Variants in POU4F2 observed in about 807,000 individuals in gnomAD.
POU4F2 encodes the protein POU domain, class 4, transcription factor 2.
In POU4F2, 10 loss-of-function variants were observed where a neutral mutation model predicts 21.5. The observed-to-expected ratio is 0.46, with a 90% CI of 0.29 to 0.79. The LOEUF is 0.79. Among genes scored for constraint, POU4F2 ranks in the 30% least tolerant of loss-of-function variants. The pLI, the probability that POU4F2 is intolerant of heterozygous loss-of-function variation, is 0.10. For synonymous variants in POU4F2, 324 were observed against 271.1 expected, an observed-to-expected ratio of 1.20 and a Z score of -1.92; for missense variants, 623 against 603.3, an observed-to-expected ratio of 1.03 and a Z score of -0.34.
Position 146,639,360 on chromosome 4 carries a change from A to C in POU4F2, c.220A>C (p.Ser74Arg). The C allele has an allele frequency of 1.3e-6, 2 of 1,485,882 alleles. No homozygotes were observed. Among genetic ancestry groups the C allele is most frequent in the Non-Finnish European group, 1.8e-6 (2 of 1,125,224 alleles). 92.0% of individuals were successfully genotyped at this position (1,485,882 alleles called of 1,614,324 possible). ...GGGGGRSSSSSSSGSSGGGGS... is the reference protein window; with the variant it reads ...GGGGGRSSSSRSSGSSGGGGS... ...CGGCGGAGGCCGAAGCAGCAGCTCCAGCAGCAGTGGCAGCAGCGGCGGCGG... is the reference window on the plus strand; with the variant it reads ...CGGCGGAGGCCGAAGCAGCAGCTCCCGCAGCAGTGGCAGCAGCGGCGGCGG... The change falls in exon 1 of 2, where the codon AGC becomes CGC. Residue 74 changes from serine to arginine, a missense_variant. Transcript: ENST00000281321.
chr4:146,640,922 G>T lies in POU4F2; in HGVS notation c.*114G>T. On this transcript the variant is annotated 3_prime_UTR_variant, in exon 2 of 2. Transcript: ENST00000281321. This position sits in a 1 kb window ranked among gnomAD's most constrained non-coding sequence, Gnocchi z 4.8. ...AACAATTCCAGTAAATGTGAATCTC[G>T]ACAAATCGAGGACTGAAGAGGGAGC... The T allele has an allele frequency of 8.5e-7, 1 of 1,179,810 alleles. No homozygotes were observed. The highest frequency in any genetic ancestry group is 1.2e-6 in the Non-Finnish European group (1 of 866,988). 73.1% of individuals were successfully genotyped at this position (1,179,810 alleles called of 1,614,324 possible).
Position 146,640,474 on chromosome 4 carries a change from T to C in POU4F2, c.896T>C (p.Ile299Thr). The change falls in exon 2 of 2, where the codon ATC becomes ACC. Residue 299 changes from isoleucine to threonine, a missense_variant. By Grantham distance (89) the Ile-to-Thr change is moderately conservative. This residue lies in a region of POU4F2 where 523 missense variants were observed against 504.1 expected (regional missense o/e 1.04). Coordinates refer to ENST00000281321, the MANE Select transcript of POU4F2 (RefSeq NM_004575.3). The surrounding 1 kb of genome is among the most constrained non-coding windows in gnomAD (Gnocchi z 4.8). The part of the protein sequence containing the change: ...PGVGSLSQST[I>T]CRFESLTLSH... ...GTGGGCTCGCTTAGCCAGAGCACCA[T>C]CTGCAGGTTCGAGTCCCTCACACTG... 6.2e-7 allele frequency: 1 copy of C among 1,614,062 alleles called. No homozygotes were observed. The highest frequency in any genetic ancestry group is 8.5e-7 in the Non-Finnish European group (1 of 1,180,020).
At position 146,642,086 on chromosome 4, in the gene POU4F2, A is replaced by G. The variant is rs574224859; in HGVS notation, c.*1278A>G. 3.3e-5 allele frequency: 5 copies of G among 152,804 alleles called. No individual in the cohort carries two copies. The highest frequency in any genetic ancestry group is 3.3e-4 in the Admixed American group (5 of 15,306). 9.5% of individuals were successfully genotyped at this position (152,804 alleles called of 1,614,324 possible). A position where few individuals can be genotyped will look rare whatever the true frequency, so the allele number is the denominator to read the frequency against. On this transcript the variant is annotated 3_prime_UTR_variant, in exon 2 of 2. Transcript: ENST00000281321. ...TTTCCTTTTGGAGGTTTGTTTGTAG[A>G]AAAACTAATTTGAACTATAAGAAAG...
Position 146,640,866 on chromosome 4 carries a change from C to A in POU4F2, c.*58C>A. The A allele has an allele frequency of 1.4e-6, 2 of 1,476,398 alleles. No individual in the cohort carries two copies. The highest frequency in any genetic ancestry group is 1.8e-6 in the Non-Finnish European group (2 of 1,104,068). 91.5% of individuals were successfully genotyped at this position (1,476,398 alleles called of 1,614,324 possible). ...CCTCGTCCGCTCTTTTCTCTCCTCT[C>A]TTCTGCCTCTTTTCACTTTTGGCGA... On this transcript the variant is annotated 3_prime_UTR_variant, in exon 2 of 2. Coordinates refer to ENST00000281321, the MANE Select transcript of POU4F2 (RefSeq NM_004575.3). This position sits in a 1 kb window ranked among gnomAD's most constrained non-coding sequence, Gnocchi z 4.8.
At chr4:146,639,569 C>A in intron 1 of POU4F2, 141 bp downstream of exon 1, 1 of 1,294,168 alleles carries the variant, frequency 7.7e-7, no homozygotes. Flanking sequence ...AAGTATTCAG[C>A]AGGTCTTGCC....
At position 146,640,077 on chromosome 4, in the gene POU4F2, T is replaced by C. The variant is rs1224119159; in HGVS notation, c.499T>C (p.Leu167=). 1 of 1,605,920 alleles carries C rather than the reference T, an allele frequency of 6.2e-7. No individual in the cohort carries two copies. Among genetic ancestry groups the C allele is most frequent in the African/African-American group, 1.3e-5 (1 of 74,890 alleles). ...GGTGCCCATCTCGCACCCTTCCGCG[T>C]TGGCGGGCACGCACCACCACCACCA... ...SSVPISHPSA[L]AGTHHHHHHH... is the part of the protein sequence containing the mutation. The change falls in exon 2 of 2, where the codon TTG becomes CTG. Residue 167 remains leucine, a synonymous_variant. Transcript: ENST00000281321. This position sits in a 1 kb window ranked among gnomAD's most constrained non-coding sequence, Gnocchi z 4.8.
In POU4F2 at chr4:146,639,934, T is replaced by C. The variant is rs771832144; in HGVS notation, c.356T>C (p.Ile119Thr). The C allele has an allele frequency of 6.3e-7, 1 of 1,598,962 alleles. No individual in the cohort carries two copies. The highest frequency in any genetic ancestry group is 1.1e-5 in the South Asian group (1 of 88,020). ...GCCGAGGCTCTGGCAGCCGTGGACA[T>C]CGTCTCCCAGAGCAAGAGCCACCAC... ...ARAEALAAVD[I>T]VSQSKSHHHH... The change falls in exon 2 of 2, where the codon ATC (isoleucine) becomes ACC (threonine). Residue 119 changes from isoleucine to threonine, a missense_variant. Coordinates refer to ENST00000281321, the MANE Select transcript of POU4F2 (RefSeq NM_004575.3).
Position 146,638,974 on chromosome 4 carries a change from C to A in POU4F2, c.-167C>A, listed in dbSNP as rs1414931605. The A allele has an allele frequency of 8.6e-6, 7 of 816,802 alleles. No homozygotes were observed. The highest frequency in any genetic ancestry group is 1.3e-5 in the Non-Finnish European group (7 of 550,770). The allele number at this position is 816,802 out of a possible 1,614,324, so 50.6% of individuals were successfully genotyped here. A position where few individuals can be genotyped will look rare whatever the true frequency, so the allele number is the denominator to read the frequency against. ...ACTGACAGCAGAGGCGGCGAAGGAG[C>A]GCGTAGCCGAGATCAGGCGTACAGA... On this transcript the variant is annotated 5_prime_UTR_variant, in exon 1 of 2. Coordinates refer to ENST00000281321, the MANE Select transcript of POU4F2 (RefSeq NM_004575.3).
Position 146,639,538 on chromosome 4 carries a change from A to G in POU4F2, c.288+110A>G, listed in dbSNP as rs985685646. 6 of 1,389,494 alleles carry G rather than the reference A, an allele frequency of 4.3e-6. No individual in the cohort carries two copies. In the South Asian group the frequency reaches 8.8e-5, roughly 20 times the overall value. 86.1% of individuals were successfully genotyped at this position (1,389,494 alleles called of 1,614,324 possible). On this transcript the variant is annotated intron_variant, in intron 1 of 1. Coordinates refer to ENST00000281321, the MANE Select transcript of POU4F2 (RefSeq NM_004575.3). ...GCAAATCACCCCACACCTCCAACCA[A>G]TTTTCCCCTCTCTCTCTCTTAAGTA... is the stretch of plus-strand genomic sequence containing the variant.
In POU4F2 at chr4:146,638,983, G is replaced by A. The variant is rs1404104098; in HGVS notation, c.-158G>A. The A allele has an allele frequency of 4.5e-6, 4 of 892,142 alleles. No homozygotes were observed. Among genetic ancestry groups the A allele is most frequent in the South Asian group, 2.0e-5 (1 of 50,172 alleles). 55.3% of individuals were successfully genotyped at this position (892,142 alleles called of 1,614,324 possible). A position where few individuals can be genotyped will look rare whatever the true frequency, so the allele number is the denominator to read the frequency against. ...AGAGGCGGCGAAGGAGCGCGTAGCC[G>A]AGATCAGGCGTACAGAGTCCGGAGG... On this transcript the variant is annotated 5_prime_UTR_variant, in exon 1 of 2. Transcript: ENST00000281321.
rs748522769 is a variant in POU4F2 at position 146,640,484 on chromosome 4, C to T, written c.906C>T (p.Phe302=). ...GSLSQSTICR[F]ESLTLSHNNM... ...TTAGCCAGAGCACCATCTGCAGGTT[C>T]GAGTCCCTCACACTGTCCCACAATA... The change falls in exon 2 of 2, where the codon TTC becomes TTT. Residue 302 remains phenylalanine, a synonymous_variant. Transcript: ENST00000281321. This position sits in a 1 kb window ranked among gnomAD's most constrained non-coding sequence, Gnocchi z 4.8. 2 of 1,614,116 alleles carry T rather than the reference C, an allele frequency of 1.2e-6. No individual in the cohort carries two copies. Among genetic ancestry groups the T allele is most frequent in the Non-Finnish European group, 1.7e-6 (2 of 1,180,022 alleles).
At position 146,639,154 on chromosome 4, in the gene POU4F2, C is replaced by T. The variant is rs1352487619; in HGVS notation, c.14C>T (p.Ser5Phe). Reference sequence around the variant, plus strand: ...GCGGGCGGGAAGATGATGATGATGTCCCTGAACAGCAAGCAGGCGTTTAGC... The same window carrying T: ...GCGGGCGGGAAGATGATGATGATGTTCCTGAACAGCAAGCAGGCGTTTAGC... MMMM[S>F]LNSKQAFSMP... Residue 5 changes from serine (S) to phenylalanine (F), a missense_variant, in exon 1 of 2, where the codon TCC becomes TTC. Around this residue, in one of 3 missense-constraint regions of POU4F2, gnomAD observed 94 missense variants for 74.1 expected, o/e 1.27. Coordinates refer to ENST00000281321, the MANE Select transcript of POU4F2 (RefSeq NM_004575.3). 5.6e-6 allele frequency: 9 copies of T among 1,607,334 alleles called. No homozygotes were observed. The highest frequency in any genetic ancestry group is 7.6e-6 in the Non-Finnish European group (9 of 1,177,506).
rs546678292 is a variant in POU4F2, at chr4:146,640,651, G to C, written c.1073G>C (p.Arg358Pro). ...ACGTCCATCGCTGCGCCAGAGAAGC[G>C]CTCGCTCGAAGCCTACTTTGCCATT... ...KRTSIAAPEK[R>P]SLEAYFAIQP... Residue 358 changes from arginine to proline, a missense_variant, in exon 2 of 2, where the codon CGC becomes CCC. Transcript: ENST00000281321. This position sits in a 1 kb window ranked among gnomAD's most constrained non-coding sequence, Gnocchi z 4.8. 6.2e-7 allele frequency: 1 copy of C among 1,614,272 alleles called. No homozygotes were observed. Among genetic ancestry groups the C allele is most frequent in the Non-Finnish European group, 8.5e-7 (1 of 1,180,046 alleles).
At position 146,640,091 on chromosome 4, in the gene POU4F2, C is replaced by T. The variant is rs1373095957; in HGVS notation, c.513C>T (p.His171=). The T allele has an allele frequency of 1.3e-6, 2 of 1,597,714 alleles. No individual in the cohort carries two copies. Among genetic ancestry groups the T allele is most frequent in the South Asian group, 1.1e-5 (1 of 90,224 alleles). ...ACCCTTCCGCGTTGGCGGGCACGCA[C>T]CACCACCACCACCATCACCACCACC... ...ISHPSALAGT[H]HHHHHHHHHH... The change falls in exon 2 of 2, where the codon CAC becomes CAT. Residue 171 remains histidine (H), a synonymous_variant. Coordinates refer to ENST00000281321, the MANE Select transcript of POU4F2 (RefSeq NM_004575.3). This position sits in a 1 kb window ranked among gnomAD's most constrained non-coding sequence, Gnocchi z 4.8.
Position 146,640,391 on chromosome 4 carries a change from G to A in POU4F2, c.813G>A (p.Lys271=). 6.2e-7 allele frequency: 1 copy of A among 1,607,962 alleles called. No homozygotes were observed. Among genetic ancestry groups the A allele is most frequent in the Non-Finnish European group, 8.5e-7 (1 of 1,178,740 alleles). ...AGCGCTTCAAGCAGCGACGCATCAAGCTGGGGGTGACCCAGGCAGATGTGG... is the reference window on the plus strand; with the variant it reads ...AGCGCTTCAAGCAGCGACGCATCAAACTGGGGGTGACCCAGGCAGATGTGG... ...FAERFKQRRI[K]LGVTQADVGS... The change falls in exon 2 of 2, where the codon AAG becomes AAA. Residue 271 remains lysine (K), a synonymous_variant. Transcript: ENST00000281321. This position sits in a 1 kb window ranked among gnomAD's most constrained non-coding sequence, Gnocchi z 4.8.
Position 146,639,305 on chromosome 4 carries a change from T to TGGCGGCGGC in POU4F2, c.192_200dup (p.Gly66_Gly68dup), listed in dbSNP as rs530695040. 2.7e-3 allele frequency: 3,588 copies of TGGCGGCGGC among 1,305,934 alleles called. 17 individuals carry two copies. The highest frequency in any genetic ancestry group is 0.017 in the African/African-American group (1,131 of 64,916). The allele number at this position is 1,305,934 out of a possible 1,614,324, so 80.9% of individuals were successfully genotyped here. A position where few individuals can be genotyped will look rare whatever the true frequency, so the allele number is the denominator to read the frequency against. ...CCAGCAGCTCGAGCAACGCTGGTGG[T>TGGCGGCGGC]GGCGGCGGCGGCGGCGGCGGCGGCG... On this transcript the variant is annotated inframe_insertion, in exon 1 of 2. Coordinates refer to ENST00000281321, the MANE Select transcript of POU4F2 (RefSeq NM_004575.3).
rs1409402448 is a variant in POU4F2, at chr4:146,641,289, C to G, written c.*481C>G. The G allele has an allele frequency of 6.5e-6, 1 of 153,010 alleles. No individual in the cohort carries two copies. Among genetic ancestry groups the G allele is most frequent in the Non-Finnish European group, 1.5e-5 (1 of 68,390 alleles). 9.5% of individuals were successfully genotyped at this position (153,010 alleles called of 1,614,324 possible). On this transcript the variant is annotated 3_prime_UTR_variant, in exon 2 of 2. Transcript: ENST00000281321. ...GATGCTTAATGTGATAGAGACATCTCTAAAGTATTTTGAATTTTAAAAAAA... is the reference window on the plus strand; with the variant it reads ...GATGCTTAATGTGATAGAGACATCTGTAAAGTATTTTGAATTTTAAAAAAA...
rs774823455 is a variant in POU4F2, at chr4:146,639,349, G to A, written c.209G>A (p.Ser70Asn). 1.5e-5 allele frequency: 23 copies of A among 1,499,778 alleles called. No homozygotes were observed. In the East Asian group the frequency reaches 4.9e-4, roughly 32 times the overall value. The allele number at this position is 1,499,778 out of a possible 1,614,324, so 92.9% of individuals were successfully genotyped here. Residue 70 changes from serine to asparagine, a missense_variant, in exon 1 of 2, where the codon AGC becomes AAC. By Grantham distance (46) the Ser-to-Asn change is conservative (BLOSUM62 1). This residue lies in a region of POU4F2 where 523 missense variants were observed against 504.1 expected (regional missense o/e 1.04). Transcript: ENST00000281321. The part of the protein sequence containing the change: ...GGGGGGGGGR[S>N]SSSSSSGSSG... Reference sequence around the variant, plus strand: ...GGCGGCGGCGGCGGCGGAGGCCGAAGCAGCAGCTCCAGCAGCAGTGGCAGC... The same window carrying A: ...GGCGGCGGCGGCGGCGGAGGCCGAAACAGCAGCTCCAGCAGCAGTGGCAGC...
In POU4F2 at chr4:146,640,648, A is replaced by T; in HGVS notation, c.1070A>T (p.Lys357Met). 2 of 1,614,254 alleles carry T rather than the reference A, an allele frequency of 1.2e-6. No individual in the cohort carries two copies. Among genetic ancestry groups the T allele is most frequent in the Non-Finnish European group, 1.7e-6 (2 of 1,180,046 alleles). ...RKRTSIAAPE[K>M]RSLEAYFAIQ... ...CGCACGTCCATCGCTGCGCCAGAGA[A>T]GCGCTCGCTCGAAGCCTACTTTGCC... Residue 357 changes from lysine to methionine, a missense_variant, in exon 2 of 2, where the codon AAG (lysine) becomes ATG (methionine). This residue lies in a region of POU4F2 where 523 missense variants were observed against 504.1 expected (regional missense o/e 1.04). Transcript: ENST00000281321. The surrounding 1 kb of genome is among the most constrained non-coding windows in gnomAD (Gnocchi z 4.8).
Sources: gnomAD v4.1 joint callset for allele counts on GRCh38, gnomAD v4.1.1 for gene constraint, gnomAD v4.1.1 regional missense constraint, Gnocchi (gnomAD v3.1) non-coding constraint, MANE v1.5 for transcripts, NCBI Gene and HGNC (gene_info 2026-07-23, HGNC 2026-07-21) for gene names.